The following SETBP1 variants were observed in gnomAD, a reference collection of about 807,000 sequenced individuals.
The protein encoded by SETBP1 is SET-binding protein.
In SETBP1, 9 loss-of-function variants were observed where a neutral mutation model predicts 101.0. That is an observed-to-expected ratio of 0.09 (90% confidence interval 0.05 to 0.16). SETBP1 has a LOEUF of 0.16. SETBP1 is among the 10% of genes least tolerant of loss of function. The pLI is 1.00. For missense variants in SETBP1, 1,858 were observed against 2,033.8 expected (o/e 0.91, Z 1.66); for synonymous variants, 818 against 788.5 (o/e 1.04, Z -0.63).
intron 3 of SETBP1, among the ~76,000 whole-genome samples, chr18:44,920,122 C>G (rs2070546468): frequency 6.6e-6 from 1 of 152,154 alleles, no homozygotes; most frequent in Non-Finnish European, 1.5e-5. Context: ...AGAAACTTAC[C>G]TGATCTCTCT....
At chr18:44,996,770 A>G (rs987699218) in intron 4 of SETBP1, among the ~76,000 whole-genome samples, 3 of 152,030 alleles carry the variant, frequency 2.0e-5, no homozygotes, top group African/African-American at 7.2e-5. Flanking sequence ...TTGGGCTGCT[A>G]CTCCTATACT....
chr18:44,884,731 ACTT>A lies in SETBP1; in HGVS notation c.540+15454_540+15456del, dbSNP rs375996750. 1.6e-4 allele frequency among the ~76,000 whole-genome samples: 25 copies of A among 152,222 alleles called. No individual in the cohort carries two copies. The East Asian group carries it at 4.1e-3, about 25-fold the overall frequency. On this transcript the variant is annotated intron_variant, in intron 3 of 5. Coordinates refer to ENST00000649279, the MANE Select transcript of SETBP1 (RefSeq NM_015559.3). ...GTGAAAATACTCTTGTTTGAATAAA[ACTT>A]CTTCTAGTCTATTCTACTGGACCCT...
rs549119912 is a variant in SETBP1 at position 44,901,553 on chromosome 18, T to C, written c.540+32270T>C. On this transcript the variant is annotated intron_variant, in intron 3 of 5. Coordinates refer to ENST00000649279, the MANE Select transcript of SETBP1 (RefSeq NM_015559.3). ...CTTTTGGCTGAAGCTTTGGGTATGA[T>C]GGGAGGTAGGGAAGGTGGGGAATGG... is the stretch of plus-strand genomic sequence containing the variant. Among the ~76,000 whole-genome samples the C allele has an allele frequency of 1.9e-4, 29 of 152,232 alleles. 1 individual carries two copies. In the South Asian group the frequency reaches 4.8e-3, roughly 25 times the overall value.
chr18:44,803,465 A>G (rs2071653474), intron 2 of SETBP1, among the ~76,000 whole-genome samples: 1 of 152,122 alleles, frequency 6.6e-6, no homozygotes, highest in Non-Finnish European at 1.5e-5. Context: ...TGTGCTTCTT[A>G]GAGACATGCA....
At chr18:45,042,822 G>C (rs2073535858) in intron 5 of SETBP1, among the ~76,000 whole-genome samples, 1 of 152,146 alleles carries the variant, frequency 6.6e-6, no homozygotes, top group Non-Finnish European at 1.5e-5. Context: ...GTCAGTTTGT[G>C]AGCTACTGGG....
At chr18:44,891,345 A>G (rs147292938) in intron 3 of SETBP1, among the ~76,000 whole-genome samples, 17 of 152,282 alleles carry the variant, frequency 1.1e-4, no homozygotes, top group Admixed American at 4.6e-4. Context: ...AAGCACTCAT[A>G]TATTTGATCA....
intron 4 of SETBP1, among the ~76,000 whole-genome samples, chr18:45,003,159 A>T (rs1015324186): frequency 6.6e-6 from 1 of 152,220 alleles, no homozygotes; most frequent in African/African-American, 2.4e-5. Flanking sequence ...AAAATTATTC[A>T]TCAGAGAAAA....
At chr18:44,869,304 T>C (rs942216497) in intron 3 of SETBP1, 21 bp downstream of exon 3, 14 of 1,611,876 alleles carry the variant, frequency 8.7e-6, no homozygotes, top group African/African-American at 1.3e-5. Flanking sequence ...CTGATGCTTT[T>C]AAGAAGTTTG....
intron 5 of SETBP1, among the ~76,000 whole-genome samples, chr18:45,049,835 G>A (rs115272324): frequency 0.024 from 3,636 of 152,180 alleles, 129 homozygotes; most frequent in African/African-American, 0.082. Flanking sequence ...AAAGGCCTTC[G>A]AGATGGTGAA....
intron 2 of SETBP1, among the ~76,000 whole-genome samples, chr18:44,744,720 C>G (rs1378591496): frequency 6.6e-6 from 1 of 151,308 alleles, no homozygotes; most frequent in Non-Finnish European, 1.5e-5. Flanking sequence ...ACAGCCACCA[C>G]GCGCGCCGGA....
chr18:44,807,579 T>C (rs1302506306), intron 2 of SETBP1, among the ~76,000 whole-genome samples: 2 of 152,192 alleles, frequency 1.3e-5, no homozygotes, highest in African/African-American at 2.4e-5. Flanking sequence ...GGAAATGATA[T>C]AGAATTCCCT....
At chr18:44,755,480 CT>C (rs112797626) in intron 2 of SETBP1, among the ~76,000 whole-genome samples, 181 of 145,620 alleles carry the variant, frequency 1.2e-3, no homozygotes, top group Non-Finnish European at 1.2e-3. Context: ...AGTGGGACAC[CT>C]TTTTTTTTTT....
At chr18:44,843,582 C>T (rs1311949525) in intron 2 of SETBP1, among the ~76,000 whole-genome samples, 3 of 152,118 alleles carry the variant, frequency 2.0e-5, no homozygotes, top group Non-Finnish European at 2.9e-5. Flanking sequence ...GCTTGAAAGC[C>T]TTGCCCTTCC....
rs1472389066 is a variant in SETBP1, at chr18:45,064,126, G to T, written c.*428G>T. 6.0e-6 allele frequency: 1 copy of T among 165,894 alleles called. No individual in the cohort carries two copies. Among genetic ancestry groups the T allele is most frequent in the Non-Finnish European group, 1.3e-5 (1 of 76,492 alleles). The allele number at this position is 165,894 out of a possible 1,614,324, so 10.3% of individuals were successfully genotyped here. ...TCCAAGGGGAGAAAAGCTGCAAATT[G>T]CTCAACTGGCATTGCTGTAACCCGT... On this transcript the variant is annotated 3_prime_UTR_variant, in exon 6 of 6. Coordinates refer to ENST00000649279, the MANE Select transcript of SETBP1 (RefSeq NM_015559.3).
chr18:44,903,833 G>T (rs1599300816), intron 3 of SETBP1, among the ~76,000 whole-genome samples: 1 of 152,146 alleles, frequency 6.6e-6, no homozygotes, highest in Non-Finnish European at 1.5e-5. Flanking sequence ...AAATTGAACT[G>T]ATTTATTCAT....
chr18:44,905,185 A>G (rs1279515379), intron 3 of SETBP1, among the ~76,000 whole-genome samples: 1 of 152,322 alleles, frequency 6.6e-6, no homozygotes, highest in Admixed American at 6.5e-5. Flanking sequence ...AGGGAACCTC[A>G]ATAAAACAAA....
At chr18:44,702,335 G>A (rs941353029) in intron 2 of SETBP1, among the ~76,000 whole-genome samples, 3 of 152,110 alleles carry the variant, frequency 2.0e-5, no homozygotes, top group East Asian at 1.9e-4. Flanking sequence ...GTTCAAGCCC[G>A]TGTTGTTCAA....
At chr18:44,786,459 G>A (rs2071240813) in intron 2 of SETBP1, among the ~76,000 whole-genome samples, 1 of 152,192 alleles carries the variant, frequency 6.6e-6, no homozygotes, top group Non-Finnish European at 1.5e-5. Flanking sequence ...TGGAACTACT[G>A]TGTACTGTTC....
At position 44,804,632 on chromosome 18, in the gene SETBP1, T is replaced by G. The variant is rs142020796; in HGVS notation, c.487-64598T>G. Among the ~76,000 whole-genome samples the G allele has an allele frequency of 6.4e-3, 973 of 152,232 alleles. 10 individuals carry two copies. Among genetic ancestry groups the G allele is most frequent in the African/African-American group, 0.022 (926 of 41,544 alleles). On this transcript the variant is annotated intron_variant, in intron 2 of 5. Coordinates refer to ENST00000649279, the MANE Select transcript of SETBP1 (RefSeq NM_015559.3). ...CAAAGTATTTTCATAATTCTCATGG[T>G]CTATGAGAGAACATGCAGTTCTATC...
Sources: allele counts gnomAD v4.1 joint callset (sites outside exome capture counted in the v4.1 genomes callset), GRCh38; gene constraint gnomAD v4.1.1; transcripts MANE v1.5; gene names NCBI Gene and HGNC (gene_info 2026-07-23, HGNC 2026-07-21).